The following OXR1 variants were observed in gnomAD, a reference collection of about 807,000 sequenced individuals.
OXR1 encodes oxidation resistance 1, also known as oxidation resistance protein 1.
A neutral mutation model predicts 104.6 loss-of-function variants in OXR1; 41 were observed. The observed-to-expected ratio is 0.39, with a 90% CI of 0.31 to 0.51. The LOEUF is 0.51. Ranked by LOEUF, OXR1 falls within the 20% of genes least tolerant of loss-of-function variation. The probability of loss-of-function intolerance (pLI) is 0.77; values close to 1 mark genes in which losing one functional copy is unlikely to be tolerated. For missense variants in OXR1, 955 were observed against 1,031.9 expected, an observed-to-expected ratio of 0.93 and a Z score of 1.02; for synonymous variants, 348 against 348.4, an observed-to-expected ratio of 1.00 and a Z score of 0.01.
At chr8:106,750,778 T>G (rs368946940) in intron 16 of OXR1, 28 bp from the exon 17 acceptor site, 1 of 1,507,094 alleles carries the variant, frequency 6.6e-7, no homozygotes, top group African/African-American at 1.4e-5. Flanking sequence ...GGCATAAATA[T>G]TAACAGATTA....
intron 3 of OXR1, among the ~76,000 whole-genome samples, chr8:106,536,567 G>C (rs1000090372): frequency 6.6e-6 from 1 of 152,100 alleles, no homozygotes; most frequent in African/African-American, 2.4e-5. Flanking sequence ...CTAAGCTAAG[G>C]GCTACTAGGA....
intron 3 of OXR1, among the ~76,000 whole-genome samples, chr8:106,604,574 T>C (rs1284823106): frequency 6.6e-6 from 1 of 152,170 alleles, no homozygotes; most frequent in African/African-American, 2.4e-5. Context: ...AGACAATATA[T>C]CCAGTAACAA....
chr8:106,462,919 A>G (rs1211461441), intron 2 of OXR1, among the ~76,000 whole-genome samples: 1 of 152,262 alleles, frequency 6.6e-6, no homozygotes, highest in African/African-American at 2.4e-5. Flanking sequence ...AACCACCTAC[A>G]TTCTTTCCAA....
At chr8:106,279,729 A>G (rs1337189111) in intron 1 of OXR1, among the ~76,000 whole-genome samples, 1 of 152,214 alleles carries the variant, frequency 6.6e-6, no homozygotes, top group Non-Finnish European at 1.5e-5. Flanking sequence ...CAAATAAGGT[A>G]AATCTTAAAA....
At chr8:106,614,584 A>G (rs770253805) in intron 3 of OXR1, among the ~76,000 whole-genome samples, 8 of 152,204 alleles carry the variant, frequency 5.3e-5, no homozygotes, top group Admixed American at 3.9e-4. Flanking sequence ...GGACAGCTCT[A>G]AGCACAATTA....
At chr8:106,690,757 C>G (rs1220292629) in intron 6 of OXR1, among the ~76,000 whole-genome samples, 1 of 151,602 alleles carries the variant, frequency 6.6e-6, no homozygotes, top group Non-Finnish European at 1.5e-5. Context: ...TGGCAATCAT[C>G]GTATATATTG....
chr8:106,306,943 C>A (rs893325313), intron 1 of OXR1, among the ~76,000 whole-genome samples: 1 of 151,974 alleles, frequency 6.6e-6, no homozygotes, highest in African/African-American at 2.4e-5. Context: ...TGTTAGCCAG[C>A]CAAAGGGAGA....
chr8:106,295,958 G>C (rs1812977904), intron 1 of OXR1, among the ~76,000 whole-genome samples: 1 of 151,116 alleles, frequency 6.6e-6, no homozygotes, highest in African/African-American at 2.4e-5. Context: ...TCAGAGCCTG[G>C]AAAGTCTTCT....
intron 2 of OXR1, among the ~76,000 whole-genome samples, chr8:106,369,404 A>G (rs1816614327): frequency 6.6e-6 from 1 of 152,222 alleles, no homozygotes; most frequent in Non-Finnish European, 1.5e-5. Context: ...TATTTTAATT[A>G]GAACCCATTT....
intron 3 of OXR1, among the ~76,000 whole-genome samples, chr8:106,547,492 C>CTTTTTTTTTT (rs60073341): frequency 1.8e-4 from 21 of 116,570 alleles, no homozygotes; most frequent in East Asian, 4.9e-4. Context: ...TTCTTTCTTT[C>CTTTTTTTTTT]TTTTTTTTTT....
intron 3 of OXR1, among the ~76,000 whole-genome samples, chr8:106,582,575 TTGTTAA>T (rs1818330599): frequency 6.6e-6 from 1 of 152,162 alleles, no homozygotes; most frequent in Non-Finnish European, 1.5e-5. Context: ...AATTTAGTCT[TTGTTAA>T]TGTTAAAGAG....
At chr8:106,725,230 A>G (rs1587250648) in intron 11 of OXR1, among the ~76,000 whole-genome samples, 1 of 152,118 alleles carries the variant, frequency 6.6e-6, no homozygotes, top group South Asian at 2.1e-4. Context: ...GTGTGAGTGC[A>G]TGCTGGAATG....
chr8:106,423,778 T>C (rs1030679621), intron 2 of OXR1, among the ~76,000 whole-genome samples: 3 of 152,194 alleles, frequency 2.0e-5, no homozygotes, highest in African/African-American at 4.8e-5. Flanking sequence ...TTTTTCTGAG[T>C]AATGAATCTT....
chr8:106,326,928 A>G (rs1392985268), intron 1 of OXR1, among the ~76,000 whole-genome samples: 3 of 152,208 alleles, frequency 2.0e-5, no homozygotes, highest in Non-Finnish European at 4.4e-5. Context: ...GCATTTTTAT[A>G]AAGGAAATTA....
chr8:106,459,134 C>A lies in OXR1; in HGVS notation c.24-59809C>A, dbSNP rs181060774. On this transcript the variant is annotated intron_variant, in intron 2 of 16. Coordinates refer to ENST00000517566, the MANE Select transcript of OXR1 (RefSeq NM_001198533.2). ...GTAGAATTCTGTGGTGTGAACATAG[C>A]CCCCAAAGTTCATGTGTTGGAAACT... Among the ~76,000 whole-genome samples the A allele has an allele frequency of 3.9e-3, 588 of 152,098 alleles. 3 individuals are homozygous for A. The highest frequency in any genetic ancestry group is 0.013 in the African/African-American group (555 of 41,502).
chr8:106,726,698 C>A (rs375991118), intron 11 of OXR1, among the ~76,000 whole-genome samples: 1 of 152,014 alleles, frequency 6.6e-6, no homozygotes. Context: ...AAACCAGATT[C>A]TTTTATGATA....
In OXR1 at chr8:106,683,221, A is replaced by T; in HGVS notation, c.326A>T (p.Asn109Ile). The part of the protein sequence containing the change: ...EYTVESRDSL[N>I]SIALKFDTTP... ...CAGGTTGAATCAAGGGATTCTTTGA[A>T]TAGCATAGCCCTGAAGTTTGATACA... Residue 109 changes from asparagine (N) to isoleucine (I), a missense_variant, in exon 5 of 17, where the codon AAT (asparagine) becomes ATT (isoleucine). Transcript: ENST00000517566. 1 of 1,583,490 alleles carries T rather than the reference A, an allele frequency of 6.3e-7. No homozygotes were observed. The highest frequency in any genetic ancestry group is 1.7e-4 in the Middle Eastern group (1 of 5,990).
At chr8:106,664,964 A>G (rs967759687) in intron 3 of OXR1, among the ~76,000 whole-genome samples, 8 of 152,230 alleles carry the variant, frequency 5.3e-5, no homozygotes, top group African/African-American at 1.7e-4. Context: ...TTCCTACCAT[A>G]TATTTCTGGT....
intron 2 of OXR1, among the ~76,000 whole-genome samples, chr8:106,511,177 G>C (rs1450693227): frequency 6.6e-6 from 1 of 152,108 alleles, no homozygotes; most frequent in African/African-American, 2.4e-5. Flanking sequence ...CTGATTTTAT[G>C]GTTTGTTTTT....
Sources: gnomAD v4.1 joint callset for allele counts (sites outside exome capture counted in the v4.1 genomes callset) on GRCh38, gnomAD v4.1.1 for gene constraint, MANE v1.5 for transcripts, NCBI Gene and HGNC (gene_info 2026-07-23, HGNC 2026-07-21) for gene names.